The following PHEX variants were observed in gnomAD, a reference collection of about 807,000 sequenced individuals.
PHEX encodes the protein phosphate-regulating neutral endopeptidase PHEX.
PHEX carries 16 observed loss-of-function variants against 68.0 expected under a neutral mutation model. That is an observed-to-expected ratio of 0.24 (90% CI 0.16 to 0.36). The LOEUF (loss-of-function observed/expected upper bound fraction) is 0.36, where lower values mean the gene tolerates loss of function less well. Ranked by LOEUF, PHEX falls within the 10% of genes least tolerant of loss-of-function variation. The pLI, the probability that PHEX is intolerant of heterozygous loss-of-function variation, is 1.00. For synonymous variants in PHEX, 208 were observed against 205.1 expected, an observed-to-expected ratio of 1.01 and a Z score of -0.12; for missense variants, 480 against 575.5, an observed-to-expected ratio of 0.83 and a Z score of 1.70.
At chrX:22,081,039 A>T (rs1569382870) in intron 5 of PHEX, among the ~76,000 whole-genome samples, 1 of 111,645 alleles carries the variant, frequency 9.0e-6, no homozygotes, top group Non-Finnish European at 1.9e-5. Flanking sequence ...GACATGTGGT[A>T]CCCGATATGC....
chrX:22,061,324 C>G (rs1928353191), intron 3 of PHEX, among the ~76,000 whole-genome samples: 1 of 111,710 alleles, frequency 9.0e-6, no homozygotes, highest in African/African-American at 3.3e-5. Context: ...TATTTCCAGA[C>G]TCTCTGATTA....
chrX:22,209,100 G>A (rs933602162), intron 15 of PHEX, among the ~76,000 whole-genome samples: 1 of 111,672 alleles, frequency 9.0e-6, no homozygotes, highest in African/African-American at 3.3e-5. Context: ...AGTGGCGGAA[G>A]GAGGGTTACA....
intron 15 of PHEX, among the ~76,000 whole-genome samples, chrX:22,194,723 G>C: frequency 8.9e-6 from 1 of 112,051 alleles, no homozygotes; most frequent in East Asian, 2.8e-4. Context: ...CCTTTGTGTG[G>C]AACCCTATGA....
At chrX:22,138,200 G>T (rs979186964) in intron 12 of PHEX, among the ~76,000 whole-genome samples, 4 of 112,872 alleles carry the variant, frequency 3.5e-5, no homozygotes, top group African/African-American at 1.3e-4. Context: ...GCCCCTGGGG[G>T]TATACGCTTT....
intron 3 of PHEX, among the ~76,000 whole-genome samples, chrX:22,072,046 G>A (rs940581216): frequency 1.1e-4 from 12 of 112,562 alleles, no homozygotes; most frequent in African/African-American, 3.6e-4. Context: ...GGCTAACATG[G>A]TGAAACCCCA....
chrX:22,238,387 G>A (rs1385930541), intron 20 of PHEX, among the ~76,000 whole-genome samples: 1 of 111,513 alleles, frequency 9.0e-6, no homozygotes, highest in Non-Finnish European at 1.9e-5. Flanking sequence ...TTACCAGGAG[G>A]AACAGTGCAC....
chrX:22,089,442 A>T (rs1272218975), intron 5 of PHEX, among the ~76,000 whole-genome samples: 1 of 100,787 alleles, frequency 9.9e-6, no homozygotes. Flanking sequence ...TTTTCCTGAG[A>T]CAGAGTTTTG....
rs1468778300 is a variant in PHEX at position 22,041,265 on chromosome X, C to CTCTCTCTCTCTATATA, written c.187+2729_187+2730insCTCTCTCTCTATATAT. Reference sequence around the variant, plus strand: ...GATCTCTCTCTCTCTCTCTCTCTCTCTATATATATATATATATATATATAT... The same window carrying CTCTCTCTCTCTATATA: ...GATCTCTCTCTCTCTCTCTCTCTCTCTCTCTCTCTCTATATATATATATATATATATATATATATAT... On this transcript the variant is annotated intron_variant, in intron 2 of 21. Transcript: ENST00000379374. 5.8e-4 allele frequency among the ~76,000 whole-genome samples: 42 copies of CTCTCTCTCTCTATATA among 72,800 alleles called. 1 individual carries two copies. The highest frequency in any genetic ancestry group is 2.5e-3 in the African/African-American group (39 of 15,791). The allele number at this position is 72,800 out of a possible 115,157, so 63.2% of individuals were successfully genotyped here. A position where few individuals can be genotyped will look rare whatever the true frequency, so the allele number is the denominator to read the frequency against.
intron 12 of PHEX, among the ~76,000 whole-genome samples, chrX:22,159,788 G>C (rs975342337): frequency 1.8e-5 from 2 of 111,814 alleles, no homozygotes; most frequent in East Asian, 5.6e-4. Flanking sequence ...TCCTGATATG[G>C]GTAAGGCAAA....
At chrX:22,036,863 C>G (rs1286026132) in intron 1 of PHEX, among the ~76,000 whole-genome samples, 1 of 108,155 alleles carries the variant, frequency 9.2e-6, no homozygotes, top group Non-Finnish European at 1.9e-5. Flanking sequence ...TTTGGGAGGT[C>G]GAGGCGGGCG....
Position 22,175,348 on chromosome X carries a change from G to GTT in PHEX, c.1483-2912_1483-2911dup, listed in dbSNP as rs1477180493. On this transcript the variant is annotated intron_variant, in intron 13 of 21. Coordinates refer to ENST00000379374, the MANE Select transcript of PHEX (RefSeq NM_000444.6). ...TTGGGACCCTTTTCTTCTTTACAAC[G>GTT]TTTTTTTTTTTTTTAATTTTTAGGC... Among the ~76,000 whole-genome samples the GTT allele has an allele frequency of 1.1e-3, 103 of 91,708 alleles. 1 individual carries two copies. Among genetic ancestry groups the GTT allele is most frequent in the African/African-American group, 3.6e-3 (97 of 27,130 alleles). The allele number at this position is 91,708 out of a possible 115,157, so 79.6% of individuals were successfully genotyped here. A position where few individuals can be genotyped will look rare whatever the true frequency, so the allele number is the denominator to read the frequency against.
chrX:22,065,659 C>T (rs935358617), intron 3 of PHEX, among the ~76,000 whole-genome samples: 2 of 111,758 alleles, frequency 1.8e-5, no homozygotes, highest in East Asian at 5.6e-4. Context: ...CTCCTGACCT[C>T]GTGATCCGCC....
intron 11 of PHEX, among the ~76,000 whole-genome samples, chrX:22,115,494 A>G (rs1409223953): frequency 8.9e-6 from 1 of 111,836 alleles, no homozygotes; most frequent in Non-Finnish European, 1.9e-5. Context: ...CAAGTATACA[A>G]TACATTATTA....
At chrX:22,216,495 A>ATTTT (rs1321210734) in intron 16 of PHEX, among the ~76,000 whole-genome samples, 5 of 20,744 alleles carry the variant, frequency 2.4e-4, no homozygotes, top group Non-Finnish European at 4.8e-4. Context: ...TTTTATGCTT[A>ATTTT]TTTATTTATT....
chrX:22,233,273 G>T (rs1935834072), intron 20 of PHEX, among the ~76,000 whole-genome samples: 1 of 110,967 alleles, frequency 9.0e-6, no homozygotes, highest in Admixed American at 9.6e-5. Context: ...TGGTGAATCT[G>T]ACGATTATGT....
At chrX:22,219,634 T>G (rs2147172110) in intron 17 of PHEX, among the ~76,000 whole-genome samples, 1 of 111,411 alleles carries the variant, frequency 9.0e-6, no homozygotes, top group East Asian at 2.8e-4. Flanking sequence ...TTATTATCAT[T>G]ATTGAGACGG....
At chrX:22,193,409 A>G (rs977548561) in intron 15 of PHEX, among the ~76,000 whole-genome samples, 13 of 111,354 alleles carry the variant, frequency 1.2e-4, no homozygotes, top group Non-Finnish European at 2.1e-4. Context: ...CACAGAAGTA[A>G]CACTCTTCTG....
chrX:22,130,630 C>T (rs752014663), intron 11 of PHEX, among the ~76,000 whole-genome samples: 8 of 107,165 alleles, frequency 7.5e-5, no homozygotes, highest in Admixed American at 2.0e-4. Flanking sequence ...GTCATTTTAA[C>T]ATCCTCCTGA....
At chrX:22,212,269 A>G (rs1387825299) in intron 15 of PHEX, among the ~76,000 whole-genome samples, 1 of 111,061 alleles carries the variant, frequency 9.0e-6, no homozygotes, top group Admixed American at 9.6e-5. Context: ...TATCGTATTT[A>G]CCTTGTATTT....
Sources: gnomAD v4.1 joint callset for allele counts (sites outside exome capture counted in the v4.1 genomes callset) on GRCh38, gnomAD v4.1.1 for gene constraint, MANE v1.5 for transcripts, NCBI Gene and HGNC (gene_info 2026-07-23, HGNC 2026-07-21) for gene names.